The following SLC26A6 variants were observed in gnomAD, a reference collection of about 807,000 sequenced individuals.
SLC26A6 encodes the protein solute carrier family 26 member 6.
In SLC26A6, 67 loss-of-function variants were observed where a neutral mutation model predicts 87.1. The observed-to-expected ratio is 0.77, with a 90% CI of 0.63 to 0.94. SLC26A6 has a LOEUF of 0.94. Ranked by LOEUF, SLC26A6 falls within the 40% of genes least tolerant of loss-of-function variation. The pLI is 0.00. For synonymous variants in SLC26A6, 414 were observed against 405.9 expected, an observed-to-expected ratio of 1.02 and a Z score of -0.24; for missense variants, 902 against 973.0, an observed-to-expected ratio of 0.93 and a Z score of 0.97.
At position 48,628,274 on chromosome 3, in the gene SLC26A6, C is replaced by T; in HGVS notation, c.1800+160G>A. On this transcript the variant is annotated intron_variant, in intron 16 of 20. Coordinates refer to ENST00000395550, the MANE Select transcript of SLC26A6 (RefSeq NM_022911.3). This position sits in a 1 kb window ranked among gnomAD's most constrained non-coding sequence, Gnocchi z 4.4. ...TGGGAGAGAAAATGCTGCCTAGAGC[C>T]CGGACCTGCTAGGGGAGTGAAGCAG... 1 of 958,954 alleles carries T rather than the reference C, an allele frequency of 1.0e-6. No individual in the cohort carries two copies. The highest frequency in any genetic ancestry group is 1.6e-6 in the Non-Finnish European group (1 of 644,492). 59.4% of individuals were successfully genotyped at this position (958,954 alleles called of 1,614,324 possible). A position where few individuals can be genotyped will look rare whatever the true frequency, so the allele number is the denominator to read the frequency against.
rs755920207 is a variant in SLC26A6 at position 48,631,043 on chromosome 3, G to A, written c.1084C>T (p.Leu362=). ...AVVGFAIAIS[L]GKIFALRHGY... ...TGCCTCAGGGCGAAGATCTTCCCCAGTGAGATGGCAATGGCAAACCCAACC... is the reference window on the plus strand; with the variant it reads ...TGCCTCAGGGCGAAGATCTTCCCCAATGAGATGGCAATGGCAAACCCAACC... The change falls in exon 9 of 21, where the codon CTG becomes TTG. Residue 362 remains leucine (L), a synonymous_variant. Coordinates refer to ENST00000395550, the MANE Select transcript of SLC26A6 (RefSeq NM_022911.3). 4.3e-6 allele frequency: 7 copies of A among 1,613,760 alleles called. No individual in the cohort carries two copies. The African/African-American group carries it at 9.3e-5, about 22-fold the overall frequency.
intron 14 of SLC26A6, among the ~76,000 whole-genome samples, chr3:48,629,005 G>C (rs972187243): frequency 1.3e-5 from 2 of 151,958 alleles, no homozygotes; most frequent in African/African-American, 4.8e-5. Flanking sequence ...TCTGTTTTCT[G>C]CACCCAGACA....
At position 48,631,016 on chromosome 3, in the gene SLC26A6, C is replaced by T. The variant is rs752351719; in HGVS notation, c.1111G>A (p.Gly371Ser). The T allele has an allele frequency of 5.0e-6, 8 of 1,613,704 alleles. No individual in the cohort carries two copies. Among genetic ancestry groups the T allele is most frequent in the Middle Eastern group, 1.6e-4 (1 of 6,082 alleles). Residue 371 changes from glycine to serine, a missense_variant, in exon 9 of 21, where the codon GGC (glycine) becomes AGC (serine). Transcript: ENST00000395550. ...SLGKIFALRH[G>S]YRVDSNQELV... ...ACCTGGTTGCTGTCCACCCGGTAGCCGTGCCTCAGGGCGAAGATCTTCCCC... is the reference window on the plus strand; with the variant it reads ...ACCTGGTTGCTGTCCACCCGGTAGCTGTGCCTCAGGGCGAAGATCTTCCCC...
In SLC26A6 at chr3:48,627,045, G is replaced by T. The variant is rs1267605553; in HGVS notation, c.1904C>A (p.Ser635Ter). ...VEDCKMMQVS[S>*]GDKMEDATAN... Reference sequence around the variant, plus strand: ...TGTTGCATCTTCCATCTTATCTCCTGAGCTCACCTGCTGGGGAGCCAGACA... The same window carrying T: ...TGTTGCATCTTCCATCTTATCTCCTTAGCTCACCTGCTGGGGAGCCAGACA... The change falls in exon 18 of 21, where the codon TCA becomes TAA. Residue 635 changes from serine (S) to a stop codon, truncating the protein, a stop_gained. Transcript: ENST00000395550. LOFTEE classifies it high-confidence loss of function. The T allele has an allele frequency of 1.2e-6, 2 of 1,612,952 alleles. No homozygotes were observed. The highest frequency in any genetic ancestry group is 1.7e-6 in the Non-Finnish European group (2 of 1,179,520).
chr3:48,633,238 G>A lies in SLC26A6; in HGVS notation c.322+13C>T. 2.5e-6 allele frequency: 4 copies of A among 1,611,412 alleles called. No homozygotes were observed. Among genetic ancestry groups the A allele is most frequent in the Non-Finnish European group, 3.4e-6 (4 of 1,179,108 alleles). On this transcript the variant is annotated intron_variant, in intron 3 of 20. Coordinates refer to ENST00000395550, the MANE Select transcript of SLC26A6 (RefSeq NM_022911.3). ...CACAGGGTTTCCAGGCCGACGCACT[G>A]AAGGTGGCTCACCCTGCGGAAGCTG...
chr3:48,625,808 A>G lies in SLC26A6; in HGVS notation c.*178T>C. Reference sequence around the variant, plus strand: ...CGCCACTGCCAGCCTGACTGCATGCAGGCCCTGTCCCAGACCTGGAGCGCT... The same window carrying G: ...CGCCACTGCCAGCCTGACTGCATGCGGGCCCTGTCCCAGACCTGGAGCGCT... On this transcript the variant is annotated 3_prime_UTR_variant, in exon 21 of 21. Transcript: ENST00000395550. The surrounding 1 kb of genome is among the most constrained non-coding windows in gnomAD (Gnocchi z 4.7). 1.4e-6 allele frequency: 1 copy of G among 717,020 alleles called. No individual in the cohort carries two copies. The highest frequency in any genetic ancestry group is 2.3e-6 in the Non-Finnish European group (1 of 427,496). The allele number at this position is 717,020 out of a possible 1,614,324, so 44.4% of individuals were successfully genotyped here.
Position 48,633,052 on chromosome 3 carries a change from G to T in SLC26A6, c.355C>A (p.Pro119Thr), listed in dbSNP as rs2046853239. 6.2e-7 allele frequency: 1 copy of T among 1,613,544 alleles called. No individual in the cohort carries two copies. The highest frequency in any genetic ancestry group is 8.5e-7 in the Non-Finnish European group (1 of 1,179,882). Residue 119 changes from proline (P) to threonine (T), a missense_variant, in exon 4 of 21, where the codon CCC becomes ACC. Coordinates refer to ENST00000395550, the MANE Select transcript of SLC26A6 (RefSeq NM_022911.3). ...AAGGAGCTATAGAGGCCAAACACGG[G>T]GGGCAATCCAGCCAGGAGGGCGTAG... ...LAYALLAGLP[P>T]VFGLYSSFYP... is the part of the protein sequence containing the mutation.
intron 7 of SLC26A6, 158 bp downstream of exon 7, chr3:48,631,491 G>A (rs2046790727): frequency 1.7e-6 from 2 of 1,143,834 alleles, no homozygotes; most frequent in Admixed American, 2.8e-5. Context: ...GGGGCAGGAA[G>A]AAACCAACAT....
intron 13 of SLC26A6, 51 bp downstream of exon 13, chr3:48,629,821 T>C (rs1447292611): frequency 2.5e-6 from 4 of 1,611,982 alleles, no homozygotes; most frequent in East Asian, 2.2e-5. Context: ...CGGGGAGCCC[T>C]GTGGTACTCT....
At chr3:48,632,553 G>T in intron 4 of SLC26A6, 157 bp from the exon 5 acceptor site, 1 of 1,044,926 alleles carries the variant, frequency 9.6e-7, no homozygotes, top group Non-Finnish European at 1.4e-6. Context: ...TTCAGGTTTG[G>T]CCAGGCCAGG....
At chr3:48,633,734 C>T (rs752554778) in intron 1 of SLC26A6, 99 bp from the exon 2 acceptor site, 9 of 1,540,158 alleles carry the variant, frequency 5.8e-6, no homozygotes, top group Non-Finnish European at 7.0e-6. Context: ...CTGATTTTTC[C>T]AGGCCCTAAG....
rs555625165 is a variant in SLC26A6, at chr3:48,629,819, C to T, written c.1529+53G>A. The stretch of plus-strand genomic sequence containing the variant: ...AGATGTGGGGAAAGCTGCGGGGAGC[C>T]CTGTGGTACTCTCTCACTAGCTGGA... On this transcript the variant is annotated intron_variant, in intron 13 of 20. Coordinates refer to ENST00000395550, the MANE Select transcript of SLC26A6 (RefSeq NM_022911.3). 1.9e-6 allele frequency: 3 copies of T among 1,611,998 alleles called. No individual in the cohort carries two copies. In the South Asian group the frequency reaches 3.3e-5, roughly 18 times the overall value.
chr3:48,626,042 G>A (rs201132088), intron 20 of SLC26A6, 42 bp from the exon 21 acceptor site: 94 of 1,613,456 alleles, frequency 5.8e-5, no homozygotes, highest in Non-Finnish European at 7.2e-5. Flanking sequence ...AGTTTCCAAA[G>A]GACACAGACC....
rs1276393412 is a variant in SLC26A6 at position 48,625,881 on chromosome 3, T to C, written c.*105A>G. 4 of 1,442,422 alleles carry C rather than the reference T, an allele frequency of 2.8e-6. No individual in the cohort carries two copies. Among genetic ancestry groups the C allele is most frequent in the South Asian group, 2.4e-5 (2 of 84,502 alleles). The allele number at this position is 1,442,422 out of a possible 1,614,324, so 89.4% of individuals were successfully genotyped here. A position where few individuals can be genotyped will look rare whatever the true frequency, so the allele number is the denominator to read the frequency against. ...CTTCCCTGAGTTGTGTGTGTGTACA[T>C]GGAGGGGACTCCTGGGTAGCACCTG... On this transcript the variant is annotated 3_prime_UTR_variant, in exon 21 of 21. Transcript: ENST00000395550. This position sits in a 1 kb window ranked among gnomAD's most constrained non-coding sequence, Gnocchi z 4.7.
intron 1 of SLC26A6, 134 bp from the exon 2 acceptor site, chr3:48,633,769 CA>C (rs1379759099): frequency 6.7e-7 from 1 of 1,485,204 alleles, no homozygotes; most frequent in African/African-American, 1.4e-5. Context: ...TTCCAGCCCC[CA>C]GCTGGCATCT....
At position 48,631,803 on chromosome 3, in the gene SLC26A6, TGAG is replaced by T; in HGVS notation, c.751-5_751-3del. The T allele has an allele frequency of 6.2e-7, 1 of 1,613,364 alleles. No individual in the cohort carries two copies. Among genetic ancestry groups the T allele is most frequent in the Non-Finnish European group, 8.5e-7 (1 of 1,179,970 alleles). On this transcript the variant is annotated splice_region_variant and splice_polypyrimidine_tract_variant and intron_variant, in intron 6 of 20. Coordinates refer to ENST00000395550, the MANE Select transcript of SLC26A6 (RefSeq NM_022911.3). The stretch of plus-strand genomic sequence containing the variant: ...CTTCCAGCAGACCTCCAGCACTGTC[TGAG>T]GAGAGGCCAGGTCACAGCTAGCACT...
Position 48,626,218 on chromosome 3 carries a change from C to T in SLC26A6, c.2265G>A (p.Ser755=), listed in dbSNP as rs371461912. 2.3e-5 allele frequency: 37 copies of T among 1,613,836 alleles called. No individual in the cohort carries two copies. The highest frequency in any genetic ancestry group is 2.8e-5 in the Non-Finnish European group (33 of 1,180,000). The stretch of plus-strand genomic sequence containing the variant: ...CTTGGCAGGCCAGAGGTAGGCTCAC[C>T]GAAACAGGGCTGTCGGGGACAGGCC... The part of the protein sequence containing the change: ...HPRPVPDSPV[S]VTRL The change falls in exon 20 of 21, where the codon TCG becomes TCA. Residue 755 remains serine (S), a splice_region_variant and synonymous_variant. Coordinates refer to ENST00000395550, the MANE Select transcript of SLC26A6 (RefSeq NM_022911.3).
intron 11 of SLC26A6, 64 bp from the exon 12 acceptor site, chr3:48,630,221 C>G: frequency 2.6e-6 from 4 of 1,565,090 alleles, no homozygotes; most frequent in East Asian, 2.3e-5. Context: ...CCCTCCTCAC[C>G]GAGGCAAAGC....
rs1432882397 is a variant in SLC26A6, at chr3:48,628,913, C to T, written c.1600-199G>A. 6.6e-6 allele frequency among the ~76,000 whole-genome samples: 1 copy of T among 152,130 alleles called. No homozygotes were observed. The highest frequency in any genetic ancestry group is 2.4e-5 in the African/African-American group (1 of 41,420). On this transcript the variant is annotated intron_variant, in intron 14 of 20. Transcript: ENST00000395550. This position sits in a 1 kb window ranked among gnomAD's most constrained non-coding sequence, Gnocchi z 4.4. The stretch of plus-strand genomic sequence containing the variant: ...CCCCATCCCCCCACAGTGCCTCTCC[C>T]TCCCCACCTCTCCTGCCACCACCCA...
Sources: allele counts gnomAD v4.1 joint callset (sites outside exome capture counted in the v4.1 genomes callset), GRCh38; gene constraint gnomAD v4.1.1; non-coding constraint Gnocchi (gnomAD v3.1); transcripts MANE v1.5; gene names NCBI Gene and HGNC (gene_info 2026-07-23, HGNC 2026-07-21).